The following DRD3 variants were observed in gnomAD, a reference collection of about 807,000 sequenced individuals.
The protein encoded by DRD3 is D(3) dopamine receptor.
Under a neutral mutation model 36.3 loss-of-function variants are expected in DRD3, and 19 were observed. The ratio of observed to expected loss-of-function variants is 0.52; its 90% CI spans 0.36 to 0.77. The LOEUF (loss-of-function observed/expected upper bound fraction) is 0.77. Ranked by LOEUF, DRD3 falls within the 30% of genes least tolerant of loss-of-function variation. The pLI, the probability that DRD3 is intolerant of heterozygous loss-of-function variation, is 0.00. For missense variants in DRD3, 465 were observed against 505.3 expected (o/e 0.92, Z 0.77); for synonymous variants, 195 against 203.7 (o/e 0.96, Z 0.36).
At chr3:114,149,751 T>A (rs2077600264) in intron 3 of DRD3, among the ~76,000 whole-genome samples, 1 of 152,230 alleles carries the variant, frequency 6.6e-6, no homozygotes, top group African/African-American at 2.4e-5. Flanking sequence ...GAGGGTCATT[T>A]TTTAGGAGAT....
At chr3:114,155,203 T>C (rs952439515) in intron 3 of DRD3, among the ~76,000 whole-genome samples, 4 of 152,196 alleles carry the variant, frequency 2.6e-5, no homozygotes, top group African/African-American at 9.7e-5. Flanking sequence ...TTTAATGAAT[T>C]GACCAGCTAT....
Position 114,147,472 on chromosome 3 carries a change from C to T in DRD3, c.469G>A (p.Val157Ile), listed in dbSNP as rs181422088. 16 of 1,614,000 alleles carry T rather than the reference C, an allele frequency of 9.9e-6. No homozygotes were observed. The highest frequency in any genetic ancestry group is 9.9e-5 in the South Asian group (9 of 91,070). ...GACACAGCAAAGGCCAGTACCCAGACGGCCGTGATCATGAGGGCCACGCGC... is the reference window on the plus strand; with the variant it reads ...GACACAGCAAAGGCCAGTACCCAGATGGCCGTGATCATGAGGGCCACGCGC... ...CRRVALMITA[V>I]WVLAFAVSCP... The change falls in exon 4 of 7, where the codon GTC (valine) becomes ATC (isoleucine). Residue 157 changes from valine (V) to isoleucine (I), a missense_variant. Transcript: ENST00000383673.
At chr3:114,130,032 G>T (rs766711436) in intron 6 of DRD3, among the ~76,000 whole-genome samples, 9 of 152,156 alleles carry the variant, frequency 5.9e-5, no homozygotes, top group Non-Finnish European at 7.4e-5. Context: ...AGGATTGCTT[G>T]ATGCCATGAG....
At chr3:114,166,592 A>G (rs968264545) in intron 2 of DRD3, among the ~76,000 whole-genome samples, 1 of 152,204 alleles carries the variant, frequency 6.6e-6, no homozygotes, top group Non-Finnish European at 1.5e-5. Flanking sequence ...TAGACTTCCA[A>G]GCCTCCAGAA....
At chr3:114,146,643 G>A (rs1008573700) in intron 4 of DRD3, among the ~76,000 whole-genome samples, 2 of 149,440 alleles carry the variant, frequency 1.3e-5, no homozygotes, top group Non-Finnish European at 3.0e-5. Context: ...AAGTTGCAGT[G>A]AGCCTAGATT....
intron 4 of DRD3, among the ~76,000 whole-genome samples, chr3:114,141,297 G>C (rs1362991502): frequency 6.6e-6 from 1 of 152,182 alleles, no homozygotes; most frequent in Non-Finnish European, 1.5e-5. Context: ...GCCTCCCAAA[G>C]TGCTGGGATT....
At chr3:114,182,300 C>T (rs557970890), upstream of DRD3, among the ~76,000 whole-genome samples, 1 of 152,066 alleles carries the variant, frequency 6.6e-6, no homozygotes, top group East Asian at 1.9e-4. Context: ...TAATACAGTT[C>T]TTGAAAGAAA....
chr3:114,187,823 C>T (rs942815349), intron 1 of DRD3, among the ~76,000 whole-genome samples: 2 of 152,036 alleles, frequency 1.3e-5, no homozygotes, highest in Non-Finnish European at 2.9e-5. Context: ...TTAAAAATGC[C>T]ATATAAAAGT....
chr3:114,158,806 T>C lies in DRD3; in HGVS notation c.383+949A>G, dbSNP rs2077705611. Among the ~76,000 whole-genome samples the C allele has an allele frequency of 2.6e-5, 4 of 152,220 alleles. 1 individual carries two copies. In the South Asian group the frequency reaches 8.3e-4, roughly 32 times the overall value. On this transcript the variant is annotated intron_variant, in intron 3 of 6. Transcript: ENST00000383673. The stretch of plus-strand genomic sequence containing the variant: ...TATTTGGGGTCACCTGTTGGAGCTA[T>C]GAGGTGGATGGATGATATTACTGGG...
upstream of DRD3, among the ~76,000 whole-genome samples, chr3:114,181,697 A>C (rs2077948716): frequency 6.6e-6 from 1 of 152,208 alleles, no homozygotes; most frequent in African/African-American, 2.4e-5. Flanking sequence ...TTCAACTTGA[A>C]GTGGCAAGTC....
chr3:114,127,866 A>G lies in DRD3; in HGVS notation c.*850T>C, dbSNP rs1386378273. On this transcript the variant is annotated 3_prime_UTR_variant, in exon 7 of 7. Coordinates refer to ENST00000383673, the MANE Select transcript of DRD3 (RefSeq NM_000796.6). ...TATATTGGGTCCCTGTTAAGCAGAA[A>G]TGGAGATGCCCTGGGTAGGAAAATT... Among the ~76,000 whole-genome samples, 2 of 152,214 alleles carry G rather than the reference A, an allele frequency of 1.3e-5. No individual in the cohort carries two copies. Among genetic ancestry groups the G allele is most frequent in the Non-Finnish European group, 2.9e-5 (2 of 68,038 alleles).
chr3:114,154,802 C>T (rs919511187), intron 3 of DRD3, among the ~76,000 whole-genome samples: 2 of 152,106 alleles, frequency 1.3e-5, no homozygotes, highest in African/African-American at 4.8e-5. Context: ...ATTCTCACCA[C>T]TTGGTCGTGT....
At chr3:114,154,585 A>C (rs1004335824) in intron 3 of DRD3, among the ~76,000 whole-genome samples, 13 of 151,776 alleles carry the variant, frequency 8.6e-5, no homozygotes, top group African/African-American at 1.2e-4. Flanking sequence ...TTTGCAAATG[A>C]CTGGAAAGCC....
chr3:114,180,289 A>T (rs185699384), upstream of DRD3, among the ~76,000 whole-genome samples: 128 of 152,262 alleles, frequency 8.4e-4, 1 homozygote, highest in African/African-American at 2.9e-3. Flanking sequence ...ATCTTTATAG[A>T]GGCTGTTATG....
Position 114,172,037 on chromosome 3 carries a change from G to A in DRD3, c.-35-10C>T. The A allele has an allele frequency of 7.2e-7, 1 of 1,381,426 alleles. No individual in the cohort carries two copies. Among genetic ancestry groups the A allele is most frequent in the Non-Finnish European group, 9.4e-7 (1 of 1,062,718 alleles). The allele number at this position is 1,381,426 out of a possible 1,614,324, so 85.6% of individuals were successfully genotyped here. A position where few individuals can be genotyped will look rare whatever the true frequency, so the allele number is the denominator to read the frequency against. Reference sequence around the variant, plus strand: ...GATGCCAAGGGGCTTCCTGTGAGGAGACAGAAAACAATATTAATAAAATCA... The same window carrying A: ...GATGCCAAGGGGCTTCCTGTGAGGAAACAGAAAACAATATTAATAAAATCA... On this transcript the variant is annotated splice_polypyrimidine_tract_variant and intron_variant, in intron 1 of 6. Coordinates refer to ENST00000383673, the MANE Select transcript of DRD3 (RefSeq NM_000796.6).
At chr3:114,198,356 C>T (rs114570652) in intron 1 of DRD3, among the ~76,000 whole-genome samples, 288 of 151,920 alleles carry the variant, frequency 1.9e-3, no homozygotes, top group African/African-American at 6.7e-3. Flanking sequence ...CACCTGGTCT[C>T]GAAGTCCTGA....
At chr3:114,130,172 T>C (rs1001392132) in intron 6 of DRD3, among the ~76,000 whole-genome samples, 1 of 152,128 alleles carries the variant, frequency 6.6e-6, no homozygotes, top group Non-Finnish European at 1.5e-5. Flanking sequence ...GGCAGGAGGA[T>C]TGCTTGAGCC....
intron 1 of DRD3, among the ~76,000 whole-genome samples, chr3:114,189,498 T>A (rs1299129025): frequency 6.6e-6 from 1 of 152,240 alleles, no homozygotes; most frequent in Non-Finnish European, 1.5e-5. Flanking sequence ...TTGTCCATGA[T>A]TTTATGAATT....
intron 1 of DRD3, among the ~76,000 whole-genome samples, chr3:114,174,047 T>G (rs2077873672): frequency 6.6e-6 from 1 of 152,182 alleles, no homozygotes; most frequent in African/African-American, 2.4e-5. Context: ...ATTTAGAGAA[T>G]TGTTTAAAAA....
Sources: gnomAD v4.1 joint callset for allele counts (sites outside exome capture counted in the v4.1 genomes callset) on GRCh38, gnomAD v4.1.1 for gene constraint, MANE v1.5 for transcripts, NCBI Gene and HGNC (gene_info 2026-07-23, HGNC 2026-07-21) for gene names.